Variants in APCDD1L observed in about 807,000 individuals in gnomAD.
APCDD1L encodes APC down-regulated 1 like, also known as protein APCDD1-like.
A neutral mutation model predicts 24.2 loss-of-function variants in APCDD1L; 21 were observed. That is an observed-to-expected ratio of 0.87 (90% CI 0.61 to 1.25). The LOEUF (loss-of-function observed/expected upper bound fraction) is 1.25, where lower values mean the gene tolerates loss of function less well. Among genes scored for constraint, APCDD1L ranks in the 50% most tolerant of loss-of-function variants. The probability of loss-of-function intolerance (pLI) is 0.00; values close to 1 mark genes in which losing one functional copy is unlikely to be tolerated. For missense variants in APCDD1L, 704 were observed against 711.7 expected, an observed-to-expected ratio of 0.99 and a Z score of 0.12; for synonymous variants, 321 against 323.6, an observed-to-expected ratio of 0.99 and a Z score of 0.09.
chr20:58,495,035 A>G (rs1990295053), intron 1 of APCDD1L, among the ~76,000 whole-genome samples: 1 of 152,090 alleles, frequency 6.6e-6, no homozygotes, highest in Non-Finnish European at 1.5e-5. Flanking sequence ...CTCCATAAAC[A>G]ATAGTGGGTC....
rs1304240422 is a variant in APCDD1L, at chr20:58,459,789, G to A, written c.*1001C>T. ...GTGACCCCGACCTCTCCCTAGGGTG[G>A]GCCCAAAGATACACATTCGGAGATT... On this transcript the variant is annotated 3_prime_UTR_variant, in exon 4 of 4. Coordinates refer to ENST00000371149, the MANE Select transcript of APCDD1L (RefSeq NM_153360.3). 1 of 152,662 alleles carries A rather than the reference G, an allele frequency of 6.6e-6. No homozygotes were observed. The highest frequency in any genetic ancestry group is 1.5e-5 in the Non-Finnish European group (1 of 68,054). 9.5% of individuals were successfully genotyped at this position (152,662 alleles called of 1,614,324 possible).
chr20:58,514,791 CG>C lies in APCDD1L; in HGVS notation c.-85del. Reference sequence around the variant, plus strand: ...CGGGCGCAGGGCTCTCGGACGGCTGCGGGCGCCGGCGGCCAGGCTGGAGTCC... The same window carrying C: ...CGGGCGCAGGGCTCTCGGACGGCTGCGGCGCCGGCGGCCAGGCTGGAGTCC... On this transcript the variant is annotated 5_prime_UTR_variant, in exon 1 of 4. Transcript: ENST00000371149. 1 of 1,137,922 alleles carries C rather than the reference CG, an allele frequency of 8.8e-7. No individual in the cohort carries two copies. Among genetic ancestry groups the C allele is most frequent in the Non-Finnish European group, 1.1e-6 (1 of 890,694 alleles). 70.5% of individuals were successfully genotyped at this position (1,137,922 alleles called of 1,614,324 possible).
intron 1 of APCDD1L, among the ~76,000 whole-genome samples, chr20:58,490,249 C>CATA (rs1458172435): frequency 6.6e-6 from 1 of 152,162 alleles, no homozygotes; most frequent in East Asian, 1.9e-4. Flanking sequence ...TGGAAAACTT[C>CATA]TATGAAGTTT....
At chr20:58,468,438 G>A (rs1253275911) in intron 2 of APCDD1L, among the ~76,000 whole-genome samples, 2 of 152,144 alleles carry the variant, frequency 1.3e-5, no homozygotes, top group Non-Finnish European at 2.9e-5. Flanking sequence ...CCTGGGGATG[G>A]GGCAGAGGAG....
rs1351011659 is a variant in APCDD1L at position 58,461,711 on chromosome 20, A to G, written c.742-157T>C. On this transcript the variant is annotated intron_variant, in intron 3 of 3. Transcript: ENST00000371149. This position sits in a 1 kb window ranked among gnomAD's most constrained non-coding sequence, Gnocchi z 6.0. ...TCCTCACTCCCTGCCTTCAGTCAGGACGACCTCCTTGCTTCAGCCAGGATG... is the reference window on the plus strand; with the variant it reads ...TCCTCACTCCCTGCCTTCAGTCAGGGCGACCTCCTTGCTTCAGCCAGGATG... 8 of 742,204 alleles carry G rather than the reference A, an allele frequency of 1.1e-5. No individual in the cohort carries two copies. The East Asian group carries it at 2.0e-4, about 18-fold the overall frequency. 46.0% of individuals were successfully genotyped at this position (742,204 alleles called of 1,614,324 possible). A position where few individuals can be genotyped will look rare whatever the true frequency, so the allele number is the denominator to read the frequency against.
rs151244595 is a variant in APCDD1L at position 58,502,510 on chromosome 20, C to T, written c.49+12149G>A. 2.0e-3 allele frequency among the ~76,000 whole-genome samples: 302 copies of T among 152,292 alleles called. 7 individuals carry two copies. In the East Asian group the frequency reaches 0.047, roughly 24 times the overall value. ...AGGCTCATTTTGTTCCCTGTTATAA[C>T]CCTGGGGTGTAGAACAGTGCCAGGC... On this transcript the variant is annotated intron_variant, in intron 1 of 3. Transcript: ENST00000371149.
intron 1 of APCDD1L, among the ~76,000 whole-genome samples, chr20:58,475,367 G>A (rs74586448): frequency 1.4e-3 from 220 of 152,254 alleles, no homozygotes; most frequent in African/African-American, 5.0e-3. Flanking sequence ...GTCACGCGTC[G>A]GTTTTAGAGG....
intron 3 of APCDD1L, among the ~76,000 whole-genome samples, chr20:58,463,463 C>T (rs1989651206): frequency 6.6e-6 from 1 of 152,172 alleles, no homozygotes; most frequent in African/African-American, 2.4e-5. Context: ...GAGTAGTCTG[C>T]ATTTTGGAGT....
chr20:58,462,311 G>GGGCA (rs1989624369), intron 3 of APCDD1L, among the ~76,000 whole-genome samples: 1 of 152,146 alleles, frequency 6.6e-6, no homozygotes, highest in Non-Finnish European at 1.5e-5. Flanking sequence ...AGACCCAGAG[G>GGGCA]GCCGGCTGGG....
chr20:58,494,259 ATTTCTTT>A lies in APCDD1L; in HGVS notation c.49+20393_49+20399del. On this transcript the variant is annotated intron_variant, in intron 1 of 3. Coordinates refer to ENST00000371149, the MANE Select transcript of APCDD1L (RefSeq NM_153360.3). This position sits in a 1 kb window ranked among gnomAD's most constrained non-coding sequence, Gnocchi z 4.8. ...CTCATGTGGTTTAAGGGTCAACTGC[ATTTCTTT>A]TTTCTTTTCTTTTCTTTTCTTACTT... 6.6e-6 allele frequency among the ~76,000 whole-genome samples: 1 copy of A among 150,584 alleles called. No individual in the cohort carries two copies. Among genetic ancestry groups the A allele is most frequent in the East Asian group, 2.1e-4 (1 of 4,862 alleles).
intron 1 of APCDD1L, among the ~76,000 whole-genome samples, chr20:58,486,193 T>A (rs1211162996): frequency 6.6e-6 from 1 of 152,098 alleles, no homozygotes; most frequent in African/African-American, 2.4e-5. Context: ...ATAATATACA[T>A]GAAATGTTTA....
intron 1 of APCDD1L, among the ~76,000 whole-genome samples, chr20:58,506,805 A>G (rs902792463): frequency 3.3e-5 from 5 of 152,136 alleles, no homozygotes; most frequent in African/African-American, 1.2e-4. Context: ...GATGCCTCAG[A>G]GTGTGTGTGT....
chr20:58,475,428 G>C (rs561926358), intron 1 of APCDD1L, among the ~76,000 whole-genome samples: 2 of 152,162 alleles, frequency 1.3e-5, no homozygotes, highest in East Asian at 3.9e-4. Flanking sequence ...TGCATGGCCC[G>C]TTTTTCTGAG....
At chr20:58,509,599 G>A (rs971186125) in intron 1 of APCDD1L, among the ~76,000 whole-genome samples, 2 of 152,136 alleles carry the variant, frequency 1.3e-5, no homozygotes, top group Non-Finnish European at 2.9e-5. Flanking sequence ...ACACAGAGAA[G>A]GCTCAGTAAG....
rs754368415 is a variant in APCDD1L, at chr20:58,467,336, C to G, written c.511G>C (p.Gly171Arg). 1.3e-6 allele frequency: 2 copies of G among 1,497,700 alleles called. No individual in the cohort carries two copies. The highest frequency in any genetic ancestry group is 1.8e-6 in the Non-Finnish European group (2 of 1,131,196). The allele number at this position is 1,497,700 out of a possible 1,614,324, so 92.8% of individuals were successfully genotyped here. The change falls in exon 3 of 4, where the codon GGG (glycine) becomes CGG (arginine). Residue 171 changes from glycine to arginine, a missense_variant. Coordinates refer to ENST00000371149, the MANE Select transcript of APCDD1L (RefSeq NM_153360.3). This position sits in a 1 kb window ranked among gnomAD's most constrained non-coding sequence, Gnocchi z 5.9. Reference sequence around the variant, plus strand: ...GCGCTCCGCAGCTCGTACAGCGCCCCAGGCAGCCAGGCCCGGGCCGGAGGC... The same window carrying G: ...GCGCTCCGCAGCTCGTACAGCGCCCGAGGCAGCCAGGCCCGGGCCGGAGGC... ...RLPPARAWLP[G>R]ALYELRSARA...
intron 3 of APCDD1L, among the ~76,000 whole-genome samples, chr20:58,465,842 T>G (rs1040518707): frequency 1.3e-5 from 2 of 152,154 alleles, no homozygotes; most frequent in Non-Finnish European, 2.9e-5. Context: ...CAAATAAAGA[T>G]TTCACATTTA....
rs770754987 is a variant in APCDD1L, at chr20:58,467,297, C to T, written c.550G>A (p.Asp184Asn). 52 of 1,537,010 alleles carry T rather than the reference C, an allele frequency of 3.4e-5. No individual in the cohort carries two copies. Among genetic ancestry groups the T allele is most frequent in the Non-Finnish European group, 4.2e-5 (48 of 1,148,742 alleles). ...YELRSARAQGDCLEALGLTMH... is the reference protein window; with the variant it reads ...YELRSARAQGNCLEALGLTMH... ...GTGAGGCCCAGCGCCTCCAGGCAGT[C>T]CCCCTGAGCCCGGGCGCTCCGCAGC... The change falls in exon 3 of 4, where the codon GAC becomes AAC. Residue 184 changes from aspartate (D) to asparagine (N), a missense_variant. Coordinates refer to ENST00000371149, the MANE Select transcript of APCDD1L (RefSeq NM_153360.3). This position sits in a 1 kb window ranked among gnomAD's most constrained non-coding sequence, Gnocchi z 5.9.
intron 1 of APCDD1L, among the ~76,000 whole-genome samples, chr20:58,472,808 G>A (rs1427091547): frequency 6.6e-6 from 1 of 152,188 alleles, no homozygotes. Flanking sequence ...AACTTGGCAC[G>A]TCTACTTTGC....
rs146737610 is a variant in APCDD1L at position 58,515,331 on chromosome 20, C to T, written c.-624G>A. The T allele has an allele frequency of 2.7e-5, 8 of 299,954 alleles. No individual in the cohort carries two copies. The Middle Eastern group carries it at 4.4e-3, about 164-fold the overall frequency. The allele number at this position is 299,954 out of a possible 1,614,324, so 18.6% of individuals were successfully genotyped here. On this transcript the variant is annotated 5_prime_UTR_variant, in exon 1 of 4. Coordinates refer to ENST00000371149, the MANE Select transcript of APCDD1L (RefSeq NM_153360.3). ...CAACCCGGTCGCCTAGAAGCCAGCC[C>T]CGGCCTCTGTCTGTAAATGAGGCCG... is the stretch of plus-strand genomic sequence containing the variant.
Sources: allele counts gnomAD v4.1 joint callset (sites outside exome capture counted in the v4.1 genomes callset), GRCh38; gene constraint gnomAD v4.1.1; non-coding constraint Gnocchi (gnomAD v3.1); transcripts MANE v1.5; gene names NCBI Gene and HGNC (gene_info 2026-07-23, HGNC 2026-07-21).